CUX1: variants seen among roughly 807,000 people sequenced by gnomAD.
The protein encoded by CUX1 is protein CASP.
A neutral mutation model predicts 158.8 loss-of-function variants in CUX1; 31 were observed. That is an observed-to-expected ratio of 0.20 (90% confidence interval 0.15 to 0.26). The LOEUF (loss-of-function observed/expected upper bound fraction) is 0.26, where lower values mean the gene tolerates loss of function less well. Among genes scored for constraint, CUX1 ranks in the 10% least tolerant of loss-of-function variants. CUX1 has a pLI of 1.00. For missense variants in CUX1, 1,589 were observed against 2,014.6 expected, an observed-to-expected ratio of 0.79 and a Z score of 4.04; for synonymous variants, 879 against 862.1, an observed-to-expected ratio of 1.02 and a Z score of -0.34.
chr7:102,206,497 C>T (rs1586212857), intron 20 of CUX1, among the ~76,000 whole-genome samples: 1 of 152,146 alleles, frequency 6.6e-6, no homozygotes. Flanking sequence ...TAGCCTTGAC[C>T]CCCTGCTCTA....
At chr7:102,165,887 C>G (rs140623288) in intron 9 of CUX1, among the ~76,000 whole-genome samples, 1 of 152,152 alleles carries the variant, frequency 6.6e-6, no homozygotes, top group Non-Finnish European at 1.5e-5. Flanking sequence ...CTGGGTCTCA[C>G]GGTGGAAACC....
rs970025169 is a variant in CUX1 at position 102,253,321 on chromosome 7, A to G, written c.*4279A>G. The G allele has an allele frequency of 1.0e-6, 1 of 985,412 alleles. No homozygotes were observed. Among genetic ancestry groups the G allele is most frequent in the Admixed American group, 6.1e-5 (1 of 16,272 alleles). The allele number at this position is 985,412 out of a possible 1,614,324, so 61.0% of individuals were successfully genotyped here. A position where few individuals can be genotyped will look rare whatever the true frequency, so the allele number is the denominator to read the frequency against. Reference sequence around the variant, plus strand: ...AGGGCCAGCATCAGGCGTGCAGCTCATGACCAGTTTACACAGGCTGCAAAG... The same window carrying G: ...AGGGCCAGCATCAGGCGTGCAGCTCGTGACCAGTTTACACAGGCTGCAAAG... On this transcript the variant is annotated 3_prime_UTR_variant, in exon 24 of 24. Coordinates refer to ENST00000292535, the MANE Select transcript of CUX1 (RefSeq NM_181552.4).
chr7:102,064,339 G>A (rs1198656683), intron 3 of CUX1, among the ~76,000 whole-genome samples: 5 of 152,136 alleles, frequency 3.3e-5, no homozygotes, highest in Non-Finnish European at 5.9e-5. Flanking sequence ...CATGAGCAAC[G>A]GTGCCGGCTC....
At chr7:102,168,157 G>T (rs1417102151) in intron 9 of CUX1, among the ~76,000 whole-genome samples, 2 of 151,988 alleles carry the variant, frequency 1.3e-5, no homozygotes, top group African/African-American at 2.4e-5. Flanking sequence ...GGACATACAG[G>T]TCACCTTGCC....
chr7:102,254,688 A>G lies in CUX1; in HGVS notation c.*5646A>G. The G allele has an allele frequency of 1.0e-6, 1 of 985,460 alleles. No homozygotes were observed. Among genetic ancestry groups the G allele is most frequent in the Non-Finnish European group, 1.2e-6 (1 of 829,956 alleles). 61.0% of individuals were successfully genotyped at this position (985,460 alleles called of 1,614,324 possible). A position where few individuals can be genotyped will look rare whatever the true frequency, so the allele number is the denominator to read the frequency against. ...AAGCCCTCAGTGCTTCTGTGGTTTC[A>G]CCTGGGCATCGACGACATTAGGGAA... On this transcript the variant is annotated 3_prime_UTR_variant, in exon 24 of 24. Transcript: ENST00000292535.
chr7:102,084,102 T>G (rs1432715020), intron 4 of CUX1, among the ~76,000 whole-genome samples: 1 of 145,596 alleles, frequency 6.9e-6, no homozygotes, highest in African/African-American at 2.4e-5. Context: ...GCCAGGCTGG[T>G]CCCAAACTCC....
At chr7:101,849,430 A>G (rs1796040358) in intron 1 of CUX1, among the ~76,000 whole-genome samples, 1 of 151,692 alleles carries the variant, frequency 6.6e-6, no homozygotes, top group African/African-American at 2.4e-5. Flanking sequence ...AACATGCAGT[A>G]TTTGGTTTTC....
At chr7:102,105,501 G>T (rs553017794) in intron 6 of CUX1, among the ~76,000 whole-genome samples, 48 of 113,392 alleles carry the variant, frequency 4.2e-4, no homozygotes, top group African/African-American at 1.4e-3. Flanking sequence ...CAACCATATA[G>T]ATCTTTTTTT....
chr7:101,871,310 T>A (rs200145621), intron 1 of CUX1, among the ~76,000 whole-genome samples: 5 of 149,592 alleles, frequency 3.3e-5, no homozygotes, highest in African/African-American at 4.9e-5. Context: ...TTCTAAAAAA[T>A]AAAAAAAAGC....
intron 2 of CUX1, among the ~76,000 whole-genome samples, chr7:101,919,185 CCT>C (rs1804589926): frequency 6.6e-6 from 1 of 152,142 alleles, no homozygotes; most frequent in South Asian, 2.1e-4. Context: ...CCTGCTGTTC[CCT>C]GTGACAGCAG....
intron 2 of CUX1, among the ~76,000 whole-genome samples, chr7:102,008,274 T>C (rs1817613845): frequency 6.6e-6 from 1 of 152,132 alleles, no homozygotes; most frequent in Non-Finnish European, 1.5e-5. Context: ...TCCCATGTCT[T>C]ACTCCATCAG....
chr7:102,216,596 TCC>T (rs1563425131), intron 20 of CUX1, among the ~76,000 whole-genome samples: 1 of 8,222 alleles, frequency 1.2e-4, no homozygotes, highest in South Asian at 6.6e-3. Flanking sequence ...ACACACACAC[TCC>T]CACACACACA....
chr7:101,971,696 A>C (rs1372422727), intron 2 of CUX1, among the ~76,000 whole-genome samples: 1 of 152,220 alleles, frequency 6.6e-6, no homozygotes, highest in Non-Finnish European at 1.5e-5. Context: ...TGTTGAGGGA[A>C]AGCACAGCTC....
intron 5 of CUX1, among the ~76,000 whole-genome samples, chr7:102,098,409 C>G (rs554592586): frequency 2.0e-5 from 3 of 152,074 alleles, no homozygotes; most frequent in African/African-American, 7.2e-5. Context: ...GCCAGAAGTT[C>G]GAGACCAGCC....
chr7:102,023,769 A>T (rs1178341666), intron 2 of CUX1, among the ~76,000 whole-genome samples: 2 of 152,180 alleles, frequency 1.3e-5, no homozygotes, highest in African/African-American at 4.8e-5. Flanking sequence ...CTTGAAGTAC[A>T]TATATATCAG....
At chr7:102,073,789 C>T (rs183714582) in intron 4 of CUX1, among the ~76,000 whole-genome samples, 1 of 152,274 alleles carries the variant, frequency 6.6e-6, no homozygotes, top group African/African-American at 2.4e-5. Flanking sequence ...TAAGCATTTT[C>T]CTATATTGGT....
intron 2 of CUX1, among the ~76,000 whole-genome samples, chr7:102,019,763 C>T (rs1367726937): frequency 3.3e-5 from 5 of 152,142 alleles, no homozygotes; most frequent in Admixed American, 2.0e-4. Context: ...GGACACGGAA[C>T]GTGTTTTAAA....
intron 8 of CUX1, chr7:102,115,627 C>G: frequency 5.1e-6 from 1 of 197,886 alleles, no homozygotes; most frequent in Non-Finnish European, 1.0e-5. Context: ...TCTCCCAGGG[C>G]CCTTTAGGAA....
intron 3 of CUX1, among the ~76,000 whole-genome samples, chr7:102,065,846 A>G (rs1384329291): frequency 1.3e-5 from 2 of 151,520 alleles, no homozygotes. Context: ...GCTGGAGTGC[A>G]GTGGCGTGAT....
Sources: allele counts gnomAD v4.1 joint callset (sites outside exome capture counted in the v4.1 genomes callset), GRCh38; gene constraint gnomAD v4.1.1; transcripts MANE v1.5; gene names NCBI Gene and HGNC (gene_info 2026-07-23, HGNC 2026-07-21).